Variants in TUSC3 observed in about 807,000 individuals in gnomAD.
TUSC3 encodes dolichyl-diphosphooligosaccharide--protein glycosyltransferase subunit TUSC3.
Under a neutral mutation model 44.8 loss-of-function variants are expected in TUSC3, and 45 were observed. That is an observed-to-expected ratio of 1.00 (90% confidence interval 0.79 to 1.29). TUSC3 has a LOEUF of 1.29. Among genes scored for constraint, TUSC3 ranks in the 50% most tolerant of loss-of-function variants. The pLI, the probability that TUSC3 is intolerant of heterozygous loss-of-function variation, is 0.00. For missense variants in TUSC3, 519 were observed against 437.9 expected, an observed-to-expected ratio of 1.19 and a Z score of -1.65; for synonymous variants, 212 against 152.9, an observed-to-expected ratio of 1.39 and a Z score of -2.85.
intron 9 of TUSC3, among the ~76,000 whole-genome samples, chr8:15,752,219 G>T (rs1422481650): frequency 6.6e-6 from 1 of 152,068 alleles, no homozygotes; most frequent in Non-Finnish European, 1.5e-5. Flanking sequence ...ACAAAGGAGA[G>T]AGGAGGGGCT....
At chr8:15,565,754 A>G (rs1191918082) in intron 1 of TUSC3, among the ~76,000 whole-genome samples, 1 of 152,088 alleles carries the variant, frequency 6.6e-6, no homozygotes, top group Non-Finnish European at 1.5e-5. Context: ...CTCTTTCCCT[A>G]TAACTAGGTT....
At chr8:15,521,552 T>A (rs781650319) in intron 2 of TUSC3, among the ~76,000 whole-genome samples, 2 of 152,080 alleles carry the variant, frequency 1.3e-5, no homozygotes, top group Non-Finnish European at 2.9e-5. Flanking sequence ...CCATACCACA[T>A]TGAAAGAAGA....
intron 1 of TUSC3, among the ~76,000 whole-genome samples, chr8:15,594,385 G>T (rs1018095501): frequency 6.6e-6 from 1 of 151,996 alleles, no homozygotes; most frequent in Non-Finnish European, 1.5e-5. Flanking sequence ...TTGATCGATT[G>T]ATTTTTTTTC....
chr8:15,621,962 C>T (rs559761988), intron 1 of TUSC3, among the ~76,000 whole-genome samples: 2 of 152,208 alleles, frequency 1.3e-5, no homozygotes, highest in South Asian at 2.1e-4. Context: ...GGGTGCAAAG[C>T]ACTGCAACAA....
At chr8:15,825,650 G>A in the TUSC3 span, among the ~76,000 whole-genome samples, 1 of 152,108 alleles carries the variant, frequency 6.6e-6, no homozygotes, top group Non-Finnish European at 1.5e-5. Context: ...AGGAAATTAA[G>A]GTCCATTAGA....
intron 9 of TUSC3, among the ~76,000 whole-genome samples, chr8:15,749,574 T>A (rs1291867737): frequency 6.6e-6 from 1 of 151,956 alleles, no homozygotes; most frequent in African/African-American, 2.4e-5. Context: ...TGTAAATTTT[T>A]AAAAATATCT....
chr8:15,755,505 T>G (rs1287679858), intron 9 of TUSC3, among the ~76,000 whole-genome samples: 2 of 152,168 alleles, frequency 1.3e-5, no homozygotes, highest in African/African-American at 4.8e-5. Context: ...CCTGAACCTT[T>G]TGATGAGCTT....
intron 9 of TUSC3, chr8:15,748,776 A>G (rs1290842316): frequency 1.8e-6 from 1 of 541,956 alleles, no homozygotes; most frequent in African/African-American, 1.9e-5. Flanking sequence ...CGTGATTTCG[A>G]CTTCATTTGC....
intron 6 of TUSC3, among the ~76,000 whole-genome samples, chr8:15,694,089 C>G (rs989725516): frequency 6.6e-6 from 1 of 151,996 alleles, no homozygotes; most frequent in African/African-American, 2.4e-5. Context: ...TCTCTTGAAT[C>G]CTAGTGATCT....
chr8:15,465,892 G>T (rs1404478462), intron 1 of TUSC3, among the ~76,000 whole-genome samples: 1 of 152,068 alleles, frequency 6.6e-6, no homozygotes, highest in Non-Finnish European at 1.5e-5. Context: ...CTCATTTTCT[G>T]TCACAATCAA....
intron 6 of TUSC3, among the ~76,000 whole-genome samples, chr8:15,692,375 G>GT (rs59838929): frequency 0.096 from 6,573 of 68,178 alleles, 809 homozygotes; most frequent in East Asian, 0.14. Context: ...CCCCCCCTTT[G>GT]TTTTTTTTTT....
chr8:15,828,505 T>G, the TUSC3 span, among the ~76,000 whole-genome samples: 1 of 152,228 alleles, frequency 6.6e-6, no homozygotes, highest in Non-Finnish European at 1.5e-5. Context: ...GTAGTTGAAG[T>G]GTGCTACCAA....
At chr8:15,560,419 C>T (rs1329534184) in intron 1 of TUSC3, among the ~76,000 whole-genome samples, 1 of 146,582 alleles carries the variant, frequency 6.8e-6, no homozygotes, top group African/African-American at 2.5e-5. Context: ...CGACCTTTCT[C>T]TCTGGCTGCC....
At chr8:15,841,392 G>C in the TUSC3 span, among the ~76,000 whole-genome samples, 1 of 152,216 alleles carries the variant, frequency 6.6e-6, no homozygotes, top group South Asian at 2.1e-4. Flanking sequence ...TTTGTATGCA[G>C]ATTTTATTCA....
the TUSC3 span, among the ~76,000 whole-genome samples, chr8:15,825,674 T>A: frequency 6.6e-6 from 1 of 152,116 alleles, no homozygotes; most frequent in South Asian, 2.1e-4. Flanking sequence ...AAACAGAACA[T>A]ACATACAAAT....
rs192449447 is a variant in TUSC3, at chr8:15,694,886, G to A, written c.798+21050G>A. Among the ~76,000 whole-genome samples, 664 of 152,288 alleles carry A rather than the reference G, an allele frequency of 4.4e-3. 5 individuals carry two copies. The highest frequency in any genetic ancestry group is 8.5e-3 in the African/African-American group (354 of 41,544). ...TCATAGGAAGGTGGCAGTGAGATTC[G>A]TGCTGGTTCACTTACGCCAGCAGCA... is the stretch of plus-strand genomic sequence containing the variant. On this transcript the variant is annotated intron_variant, in intron 6 of 10. Transcript: ENST00000503731.
chr8:15,735,220 G>A (rs1563196765), intron 7 of TUSC3, among the ~76,000 whole-genome samples: 1 of 152,032 alleles, frequency 6.6e-6, no homozygotes, highest in South Asian at 2.1e-4. Flanking sequence ...GCTGGCAATG[G>A]TTCATCCTCC....
intron 7 of TUSC3, chr8:15,733,352 T>C (rs1401373971): frequency 3.2e-6 from 1 of 313,968 alleles, no homozygotes; most frequent in Non-Finnish European, 6.0e-6. Flanking sequence ...CTTCTTTTTG[T>C]TTTTTTTTTT....
chr8:15,580,770 T>G (rs1803292975), intron 1 of TUSC3, among the ~76,000 whole-genome samples: 1 of 134,254 alleles, frequency 7.4e-6, no homozygotes, highest in Non-Finnish European at 1.6e-5. Flanking sequence ...TCATTTCAAC[T>G]TTGGTGAATC....
Sources: gnomAD v4.1 joint callset for allele counts (sites outside exome capture counted in the v4.1 genomes callset) on GRCh38, gnomAD v4.1.1 for gene constraint, MANE v1.5 for transcripts, NCBI Gene and HGNC (gene_info 2026-07-23, HGNC 2026-07-21) for gene names.